Variants in EYS observed in about 807,000 individuals in gnomAD.
EYS encodes the protein protein eyes shut homolog.
In EYS, 250 loss-of-function variants were observed where a neutral mutation model predicts 282.1. The ratio of observed to expected loss-of-function variants is 0.89; its 90% CI spans 0.80 to 0.98. The LOEUF is 0.98. Among genes scored for constraint, EYS ranks in the 50% least tolerant of loss-of-function variants. The pLI, the probability that EYS is intolerant of heterozygous loss-of-function variation, is 0.00. For missense variants in EYS, 4,016 were observed against 3,709.0 expected, an observed-to-expected ratio of 1.08 and a Z score of -2.15; for synonymous variants, 1,355 against 1,282.9, an observed-to-expected ratio of 1.06 and a Z score of -1.20.
chr6:65,029,905 G>A (rs146395213), intron 13 of EYS, among the ~76,000 whole-genome samples: 1 of 152,218 alleles, frequency 6.6e-6, no homozygotes, highest in East Asian at 1.9e-4. Flanking sequence ...GTGGGTCCTG[G>A]GGAAGGGGTG....
At chr6:65,275,987 C>A (rs959670633) in intron 12 of EYS, among the ~76,000 whole-genome samples, 2 of 150,486 alleles carry the variant, frequency 1.3e-5, no homozygotes, top group Non-Finnish European at 2.9e-5. Flanking sequence ...AATAAAAAAA[C>A]AAAACAAACA....
chr6:64,453,725 G>T (rs149024083), intron 26 of EYS, among the ~76,000 whole-genome samples: 1,669 of 152,212 alleles, frequency 0.011, 32 homozygotes, highest in African/African-American at 0.038. Flanking sequence ...GATGAAGCTG[G>T]AAACCATCAT....
At chr6:64,442,771 G>A (rs547799210) in intron 26 of EYS, among the ~76,000 whole-genome samples, 2 of 151,560 alleles carry the variant, frequency 1.3e-5, no homozygotes, top group African/African-American at 4.8e-5. Context: ...GTGCACAGAA[G>A]TCAAGAATTG....
At chr6:63,853,730 A>G (rs1772320195) in intron 36 of EYS, among the ~76,000 whole-genome samples, 1 of 152,216 alleles carries the variant, frequency 6.6e-6, no homozygotes, top group South Asian at 2.1e-4. Flanking sequence ...CTGACTTCAA[A>G]CTATACTACA....
At chr6:64,151,355 A>ATT (rs1774722448) in intron 31 of EYS, among the ~76,000 whole-genome samples, 1 of 90,398 alleles carries the variant, frequency 1.1e-5, no homozygotes, top group African/African-American at 5.0e-5. Flanking sequence ...ATATATATAT[A>ATT]TATATATAAT....
chr6:65,618,453 G>A lies in EYS; in HGVS notation c.-333+21325C>T, dbSNP rs561194014. ...AGTTCATTGTAGATTCTGGATATTA[G>A]CCCTTTGTCAGATGAGTAGGTTGCA... On this transcript the variant is annotated intron_variant, in intron 2 of 42. Coordinates refer to ENST00000503581, the MANE Select transcript of EYS (RefSeq NM_001142800.2). Among the ~76,000 whole-genome samples, 65 of 152,288 alleles carry A rather than the reference G, an allele frequency of 4.3e-4. 1 individual carries two copies. Among genetic ancestry groups the A allele is most frequent in the Middle Eastern group, 3.4e-3 (1 of 294 alleles).
intron 12 of EYS, among the ~76,000 whole-genome samples, chr6:65,244,774 G>A (rs1767140132): frequency 6.6e-6 from 1 of 151,538 alleles, no homozygotes; most frequent in African/African-American, 2.4e-5. Flanking sequence ...CGCCCGCCTC[G>A]GCCTTCCAAA....
chr6:65,604,124 T>C (rs1765701919), intron 2 of EYS, among the ~76,000 whole-genome samples: 2 of 152,050 alleles, frequency 1.3e-5, no homozygotes, highest in African/African-American at 4.8e-5. Context: ...AGATTTCCAG[T>C]TTTCTCTTAC....
At chr6:65,069,815 T>C (rs1773854394) in intron 12 of EYS, among the ~76,000 whole-genome samples, 3 of 151,976 alleles carry the variant, frequency 2.0e-5, no homozygotes, top group Admixed American at 2.0e-4. Context: ...CTGAAATATC[T>C]GAACAGCTAT....
chr6:64,094,919 C>A (rs549198445), intron 31 of EYS, among the ~76,000 whole-genome samples: 148 of 152,040 alleles, frequency 9.7e-4, no homozygotes, highest in Non-Finnish European at 1.8e-3. Flanking sequence ...CTACACACTG[C>A]GTTGAATGTG....
intron 5 of EYS, among the ~76,000 whole-genome samples, chr6:65,466,448 C>T (rs1335803371): frequency 2.0e-5 from 3 of 151,718 alleles, no homozygotes; most frequent in African/African-American, 7.3e-5. Context: ...CAAATAAAAC[C>T]ATGGGAGAAT....
intron 1 of EYS, among the ~76,000 whole-genome samples, chr6:65,641,456 T>C (rs1464656744): frequency 6.6e-6 from 1 of 152,226 alleles, no homozygotes; most frequent in Non-Finnish European, 1.5e-5. Context: ...AGTTCTAATT[T>C]GTCCACCCAT....
chr6:64,595,361 C>T (rs956475826), intron 24 of EYS, among the ~76,000 whole-genome samples: 23 of 152,278 alleles, frequency 1.5e-4, no homozygotes, highest in African/African-American at 4.8e-4. Context: ...GAAACCCTTT[C>T]CTCTAAGAAC....
rs530389604 is a variant in EYS, at chr6:65,310,072, G to T, written c.1767-13953C>A. 1.4e-3 allele frequency among the ~76,000 whole-genome samples: 216 copies of T among 152,200 alleles called. 1 individual carries two copies. Among genetic ancestry groups the T allele is most frequent in the Non-Finnish European group, 2.4e-3 (162 of 68,008 alleles). The stretch of plus-strand genomic sequence containing the variant: ...ACTATACACACTCTTGGCTGGGCGT[G>T]GTGGCTCATGCCTGTCATCCCAGCA... On this transcript the variant is annotated intron_variant, in intron 11 of 42. Transcript: ENST00000503581.
chr6:65,030,964 A>G (rs1404249797), intron 13 of EYS, among the ~76,000 whole-genome samples: 1 of 152,098 alleles, frequency 6.6e-6, no homozygotes, highest in Non-Finnish European at 1.5e-5. Flanking sequence ...AAATTCTACA[A>G]GGCAAATGGA....
rs1766369566 is a variant in EYS at position 64,590,494 on chromosome 6, A to C, written c.5373T>G (p.Val1791=). 6.4e-7 allele frequency: 1 copy of C among 1,551,328 alleles called. No homozygotes were observed. Among genetic ancestry groups the C allele is most frequent in the Admixed American group, 2.0e-5 (1 of 50,954 alleles). Residue 1791 remains valine (V), a synonymous_variant, in exon 26 of 43, where the codon GTT becomes GTG. Coordinates refer to ENST00000503581, the MANE Select transcript of EYS (RefSeq NM_001142800.2). Reference sequence around the variant, plus strand: ...GAGTTGCTGAAACTGTATAAAATGCAACATTGGTGGTGACTTCTGAAAAAT... The same window carrying C: ...GAGTTGCTGAAACTGTATAAAATGCCACATTGGTGGTGACTTCTGAAAAAT... ...VPDFSEVTTN[V]AFYTVSATPA...
chr6:65,679,576 A>G (rs1339960108), intron 1 of EYS, among the ~76,000 whole-genome samples: 6 of 151,942 alleles, frequency 3.9e-5, no homozygotes. Context: ...ATAAGTATAG[A>G]GTTTCAGTCA....
chr6:65,359,523 T>A (rs1025641884), intron 8 of EYS, among the ~76,000 whole-genome samples: 4 of 152,030 alleles, frequency 2.6e-5, no homozygotes, highest in Non-Finnish European at 5.9e-5. Context: ...ATCTTGCTTT[T>A]CATGATGTAT....
chr6:64,056,384 G>A (rs965302264), intron 33 of EYS, among the ~76,000 whole-genome samples: 2 of 152,076 alleles, frequency 1.3e-5, no homozygotes, highest in African/African-American at 2.4e-5. Context: ...TATCAGATTC[G>A]CCTGTTGGTG....
Sources: gnomAD v4.1 joint callset for allele counts (sites outside exome capture counted in the v4.1 genomes callset) on GRCh38, gnomAD v4.1.1 for gene constraint, MANE v1.5 for transcripts, NCBI Gene and HGNC (gene_info 2026-07-23, HGNC 2026-07-21) for gene names.